DGKB: variants seen among roughly 807,000 people sequenced by gnomAD.
The protein encoded by DGKB is 90 kDa diacylglycerol kinase.
DGKB carries 67 observed loss-of-function variants against 114.3 expected under a neutral mutation model. The observed-to-expected ratio is 0.59, with a 90% CI of 0.48 to 0.72. The LOEUF (loss-of-function observed/expected upper bound fraction) is 0.72. Among genes scored for constraint, DGKB ranks in the 30% least tolerant of loss-of-function variants. DGKB has a pLI of 0.00. For synonymous variants in DGKB, 398 were observed against 323.1 expected, an observed-to-expected ratio of 1.23 and a Z score of -2.49; for missense variants, 907 against 975.2, an observed-to-expected ratio of 0.93 and a Z score of 0.93.
chr7:14,528,084 T>G lies in DGKB; in HGVS notation c.1770+46128A>C, dbSNP rs1041095589. Among the ~76,000 whole-genome samples, 11 of 152,246 alleles carry G rather than the reference T, an allele frequency of 7.2e-5. No homozygotes were observed. In the East Asian group the frequency reaches 2.1e-3, roughly 29 times the overall value. Reference sequence around the variant, plus strand: ...TAACTTGCTGAAAAGTACAAGTTGATGAATTTCATAAAATTTCAACAGTCA... The same window carrying G: ...TAACTTGCTGAAAAGTACAAGTTGAGGAATTTCATAAAATTTCAACAGTCA... On this transcript the variant is annotated intron_variant, in intron 20 of 25. Transcript: ENST00000402815.
chr7:14,433,372 T>C (rs960174035), intron 21 of DGKB, among the ~76,000 whole-genome samples: 1 of 152,158 alleles, frequency 6.6e-6, no homozygotes, highest in African/African-American at 2.4e-5. Context: ...ATCTTTTATC[T>C]AATAAACTTG....
chr7:14,515,528 A>G (rs553744644), intron 20 of DGKB, among the ~76,000 whole-genome samples: 1 of 152,320 alleles, frequency 6.6e-6, no homozygotes, highest in Admixed American at 6.5e-5. Flanking sequence ...TCATTTGCCT[A>G]CTAAAGTTGG....
chr7:14,674,651 C>T (rs888116841), intron 12 of DGKB, among the ~76,000 whole-genome samples: 1 of 152,014 alleles, frequency 6.6e-6, no homozygotes, highest in African/African-American at 2.4e-5. Flanking sequence ...TAGCTGGACC[C>T]TAATCCAATG....
At chr7:14,210,257 C>T (rs1161041659) in intron 23 of DGKB, among the ~76,000 whole-genome samples, 1 of 152,052 alleles carries the variant, frequency 6.6e-6, no homozygotes, top group African/African-American at 2.4e-5. Flanking sequence ...AAGCAAGAAG[C>T]AGCAATGCCT....
At chr7:14,350,745 C>T (rs572697867) in intron 21 of DGKB, among the ~76,000 whole-genome samples, 13 of 151,218 alleles carry the variant, frequency 8.6e-5, no homozygotes, top group South Asian at 6.3e-4. Context: ...GTTAACTAAG[C>T]GATTTGACCT....
chr7:14,378,499 T>TA (rs1563057616), intron 21 of DGKB, among the ~76,000 whole-genome samples: 1 of 152,120 alleles, frequency 6.6e-6, no homozygotes, highest in Non-Finnish European at 1.5e-5. Flanking sequence ...TATTCCAAAA[T>TA]AAAAAATTTA....
chr7:14,392,038 AT>A (rs1461948983), intron 21 of DGKB, among the ~76,000 whole-genome samples: 1 of 152,184 alleles, frequency 6.6e-6, no homozygotes, highest in African/African-American at 2.4e-5. Flanking sequence ...TACATTTATA[AT>A]ATACATTTCA....
chr7:14,916,928 G>T (rs1470810126), intron 1 of DGKB, among the ~76,000 whole-genome samples: 1 of 151,958 alleles, frequency 6.6e-6, no homozygotes, highest in Non-Finnish European at 1.5e-5. Context: ...GAGGTTATAA[G>T]TCAAGCAAAG....
At chr7:14,920,180 C>G (rs1174680315) in intron 1 of DGKB, among the ~76,000 whole-genome samples, 1 of 152,088 alleles carries the variant, frequency 6.6e-6, no homozygotes, top group Non-Finnish European at 1.5e-5. Context: ...AAATTTAAAA[C>G]TTATGTGCAA....
rs537432615 is a variant in DGKB, at chr7:14,689,405, T to C, written c.712-4043A>G. Among the ~76,000 whole-genome samples, 14 of 151,850 alleles carry C rather than the reference T, an allele frequency of 9.2e-5. No individual in the cohort carries two copies. The South Asian group carries it at 2.7e-3, about 29-fold the overall frequency. On this transcript the variant is annotated intron_variant, in intron 9 of 25. Transcript: ENST00000402815. Reference sequence around the variant, plus strand: ...TTAGCCAGGATGGTATCACCTGACCTCGTGATCCGCCCGCCTCGGCCTCCC... The same window carrying C: ...TTAGCCAGGATGGTATCACCTGACCCCGTGATCCGCCCGCCTCGGCCTCCC...
At chr7:14,644,914 T>A (rs1033392007) in intron 13 of DGKB, among the ~76,000 whole-genome samples, 2 of 152,088 alleles carry the variant, frequency 1.3e-5, no homozygotes, top group African/African-American at 4.8e-5. Context: ...ACAGACAAAT[T>A]CCTAGGCAGA....
At chr7:14,331,313 T>C (rs1019893574) in intron 23 of DGKB, among the ~76,000 whole-genome samples, 5 of 152,058 alleles carry the variant, frequency 3.3e-5, no homozygotes, top group Admixed American at 2.0e-4. Context: ...GGTGTAATAA[T>C]GCTGCATGAA....
intron 1 of DGKB, among the ~76,000 whole-genome samples, chr7:14,955,577 A>G (rs1230476779): frequency 6.6e-6 from 1 of 152,076 alleles, no homozygotes; most frequent in Non-Finnish European, 1.5e-5. Context: ...GCATTGATGT[A>G]AACGTTCAGT....
intron 13 of DGKB, among the ~76,000 whole-genome samples, chr7:14,634,178 T>G (rs578214195): frequency 6.5e-4 from 98 of 151,268 alleles, no homozygotes; most frequent in Non-Finnish European, 1.3e-3. Flanking sequence ...TTATATATTT[T>G]TCATGTTTGC....
At chr7:14,386,145 C>T (rs1404749826) in intron 21 of DGKB, among the ~76,000 whole-genome samples, 1 of 152,142 alleles carries the variant, frequency 6.6e-6, no homozygotes, top group African/African-American at 2.4e-5. Context: ...GGAAATGTTG[C>T]CTTGAGCTAG....
chr7:14,350,516 T>G (rs1813254191), intron 21 of DGKB, among the ~76,000 whole-genome samples: 1 of 152,022 alleles, frequency 6.6e-6, no homozygotes. Context: ...GCGATGAAAT[T>G]ATCTCATTTG....
At chr7:14,351,962 A>C (rs916854225) in intron 21 of DGKB, among the ~76,000 whole-genome samples, 3 of 152,202 alleles carry the variant, frequency 2.0e-5, no homozygotes, top group Admixed American at 6.5e-5. Flanking sequence ...ACACAGCTAT[A>C]ATCACTGCAG....
chr7:14,753,249 T>A (rs1834370806), intron 4 of DGKB, among the ~76,000 whole-genome samples: 1 of 152,178 alleles, frequency 6.6e-6, no homozygotes, highest in Admixed American at 6.6e-5. Flanking sequence ...TCATACATTT[T>A]AGCAAGAAAT....
At chr7:14,960,828 C>G (rs551164320) in intron 1 of DGKB, among the ~76,000 whole-genome samples, 1 of 151,960 alleles carries the variant, frequency 6.6e-6, no homozygotes, top group African/African-American at 2.4e-5. Context: ...TATCTTCCTC[C>G]CAGATGTTAT....
Sources: gnomAD v4.1 joint callset for allele counts (sites outside exome capture counted in the v4.1 genomes callset) on GRCh38, gnomAD v4.1.1 for gene constraint, MANE v1.5 for transcripts, NCBI Gene and HGNC (gene_info 2026-07-23, HGNC 2026-07-21) for gene names.